Variants in TSPAN14 observed in about 807,000 individuals in gnomAD.
The protein encoded by TSPAN14 is tetraspanin-14.
A neutral mutation model predicts 36.6 loss-of-function variants in TSPAN14; 16 were observed. The ratio of observed to expected loss-of-function variants is 0.44; its 90% CI spans 0.30 to 0.66. TSPAN14 has a LOEUF of 0.66. Ranked by LOEUF, TSPAN14 falls within the 30% of genes least tolerant of loss-of-function variation. TSPAN14 has a pLI of 0.12. For synonymous variants in TSPAN14, 139 were observed against 143.8 expected, an observed-to-expected ratio of 0.97 and a Z score of 0.24; for missense variants, 231 against 355.1, an observed-to-expected ratio of 0.65 and a Z score of 2.81.
chr10:80,497,705 T>C (rs1190342917), intron 2 of TSPAN14, among the ~76,000 whole-genome samples: 1 of 152,184 alleles, frequency 6.6e-6, no homozygotes, highest in East Asian at 1.9e-4. Context: ...TCCAGGGCCT[T>C]GACTCAGGTT....
rs559249200 is a variant in TSPAN14, at chr10:80,506,912, C to A, written c.133-316C>A. On this transcript the variant is annotated intron_variant, in intron 3 of 8. Coordinates refer to ENST00000429989, the Ensembl canonical transcript of TSPAN14. ...CCTGGGTGACCAGTTTGACCACAGG[C>A]CACAGGGCCCCGTTTCCCTCCAGGC... is the stretch of plus-strand genomic sequence containing the variant. Among the ~76,000 whole-genome samples, 8 of 152,362 alleles carry A rather than the reference C, an allele frequency of 5.3e-5. No individual in the cohort carries two copies. The South Asian group carries it at 1.4e-3, about 28-fold the overall frequency.
intron 1 of TSPAN14, among the ~76,000 whole-genome samples, chr10:80,456,846 T>G (rs369964742): frequency 3.3e-5 from 5 of 152,286 alleles, no homozygotes; most frequent in Admixed American, 2.6e-4. Flanking sequence ...GTGGATCACC[T>G]GAGGTCAGGA....
At chr10:80,493,758 G>A (rs76483628) in intron 2 of TSPAN14, among the ~76,000 whole-genome samples, 2,218 of 152,282 alleles carry the variant, frequency 0.015, 62 homozygotes, top group African/African-American at 0.051. Flanking sequence ...GGGAAGATTG[G>A]GGAGTTGTTG....
chr10:80,501,818 AC>A (rs1466498508), intron 2 of TSPAN14, among the ~76,000 whole-genome samples: 1 of 152,072 alleles, frequency 6.6e-6, no homozygotes, highest in Non-Finnish European at 1.5e-5. Context: ...AGCTAGAAGG[AC>A]CCAGGCAAGC....
chr10:80,464,754 G>A (rs901670864), intron 1 of TSPAN14, among the ~76,000 whole-genome samples: 5 of 152,194 alleles, frequency 3.3e-5, no homozygotes, highest in Admixed American at 6.5e-5. Context: ...CCTGGTGGCA[G>A]TGAGGGCTGA....
intron 1 of TSPAN14, among the ~76,000 whole-genome samples, chr10:80,481,273 C>T (rs1031309179): frequency 6.6e-6 from 1 of 152,278 alleles, no homozygotes; most frequent in South Asian, 2.1e-4. Context: ...ATGGAAGGAT[C>T]TCCGAAGGCC....
intron 1 of TSPAN14, among the ~76,000 whole-genome samples, chr10:80,487,199 C>CCACA (rs1328854722): frequency 6.6e-6 from 1 of 152,162 alleles, no homozygotes; most frequent in Non-Finnish European, 1.5e-5. Context: ...GTGTGCTGCA[C>CCACA]CACAGCTCAA....
intron 2 of TSPAN14, 116 bp from the exon 3 acceptor site, chr10:80,504,612 T>C: frequency 3.3e-6 from 4 of 1,224,986 alleles, no homozygotes; most frequent in Admixed American, 3.7e-5. Flanking sequence ...AGGGGCCATG[T>C]GGGATGTGAG....
intron 3 of TSPAN14, 132 bp downstream of exon 3, chr10:80,504,910 AAT>A: frequency 1.0e-6 from 1 of 969,938 alleles, no homozygotes; most frequent in Non-Finnish European, 1.6e-6. Flanking sequence ...TATAATTGTC[AAT>A]CTTTACAGAC....
chr10:80,483,619 G>A (rs1008518816), intron 1 of TSPAN14, among the ~76,000 whole-genome samples: 2 of 152,022 alleles, frequency 1.3e-5, no homozygotes, highest in Non-Finnish European at 2.9e-5. Flanking sequence ...ATTAAAAAGT[G>A]TAAAGTAGGC....
Position 80,509,570 on chromosome 10 carries a change from C to A in TSPAN14, c.450+99C>A. On this transcript the variant is annotated intron_variant, in intron 5 of 8. Transcript: ENST00000429989. This position sits in a 1 kb window ranked among gnomAD's most constrained non-coding sequence, Gnocchi z 4.7. ...GCATCAGGCCTTCTCTGTGGGTTGT[C>A]TGCCTGCAGCTTGGCAGACAGCAGG... is the stretch of plus-strand genomic sequence containing the variant. 1 of 1,311,206 alleles carries A rather than the reference C, an allele frequency of 7.6e-7. No homozygotes were observed. Among genetic ancestry groups the A allele is most frequent in the Non-Finnish European group, 1.1e-6 (1 of 951,718 alleles). 81.2% of individuals were successfully genotyped at this position (1,311,206 alleles called of 1,614,324 possible).
intron 1 of TSPAN14, chr10:80,485,656 T>TTGGAAA: frequency 1.0e-6 from 1 of 985,438 alleles, no homozygotes; most frequent in South Asian, 4.7e-5. Flanking sequence ...GGTCAGGACC[T>TTGGAAA]GCTTTCCAAC....
chr10:80,481,470 G>C (rs779290474), intron 1 of TSPAN14, among the ~76,000 whole-genome samples: 4 of 152,120 alleles, frequency 2.6e-5, no homozygotes, highest in African/African-American at 9.7e-5. Context: ...TGCTCACTCT[G>C]ATAGCTCACA....
intron 2 of TSPAN14, among the ~76,000 whole-genome samples, chr10:80,491,396 G>C (rs937221691): frequency 2.0e-5 from 3 of 152,150 alleles, no homozygotes; most frequent in Admixed American, 6.5e-5. Context: ...CAAGTATATG[G>C]TGGAGGTTCG....
At chr10:80,517,645 GTGTC>G (rs2132071159) in intron 8 of TSPAN14, among the ~76,000 whole-genome samples, 1 of 152,372 alleles carries the variant, frequency 6.6e-6, no homozygotes, top group Admixed American at 6.5e-5. Flanking sequence ...GCAGGACAGA[GTGTC>G]TGTTTTGCTT....
intron 1 of TSPAN14, among the ~76,000 whole-genome samples, chr10:80,484,193 T>A (rs1847466371): frequency 6.6e-6 from 1 of 150,618 alleles, no homozygotes; most frequent in Admixed American, 6.6e-5. Flanking sequence ...TGCAGTGAGC[T>A]GAGTGCGCCA....
chr10:80,476,891 G>A (rs1203487520), intron 1 of TSPAN14, among the ~76,000 whole-genome samples: 1 of 152,128 alleles, frequency 6.6e-6, no homozygotes, highest in East Asian at 1.9e-4. Context: ...TCCCTCCTTA[G>A]GGTCTCACAA....
chr10:80,517,845 C>A, intron 8 of TSPAN14, 60 bp from the exon 9 acceptor site: 1 of 1,520,426 alleles, frequency 6.6e-7, no homozygotes, highest in Non-Finnish European at 8.9e-7. Flanking sequence ...ACCCTCCGCT[C>A]CCTGCCCTCT....
Position 80,520,600 on chromosome 10 carries a change from CT to C in TSPAN14, c.*2625del, listed in dbSNP as rs553128205. On this transcript the variant is annotated 3_prime_UTR_variant, in exon 9 of 9. Coordinates refer to ENST00000429989, the Ensembl canonical transcript of TSPAN14. The stretch of plus-strand genomic sequence containing the variant: ...CCCCTCCTCAACCCTGGTCCACCCC[CT>C]CTCAGGATCTTGTCAACGTTATTTT... 5.6e-6 allele frequency: 3 copies of C among 533,116 alleles called. No homozygotes were observed. In the East Asian group the frequency reaches 1.6e-4, roughly 29 times the overall value. 33.0% of individuals were successfully genotyped at this position (533,116 alleles called of 1,614,324 possible).
Sources: gnomAD v4.1 joint callset for allele counts (sites outside exome capture counted in the v4.1 genomes callset) on GRCh38, gnomAD v4.1.1 for gene constraint, Gnocchi (gnomAD v3.1) non-coding constraint, MANE v1.5 for transcripts, NCBI Gene and HGNC (gene_info 2026-07-23, HGNC 2026-07-21) for gene names.